The following ZNF518A variants were observed in gnomAD, a reference collection of about 807,000 sequenced individuals.
The protein encoded by ZNF518A is zinc finger protein 518.
ZNF518A carries 47 observed loss-of-function variants against 102.7 expected under a neutral mutation model. The observed-to-expected ratio is 0.46, with a 90% CI of 0.36 to 0.58. The LOEUF is 0.58. ZNF518A is among the 20% of genes least tolerant of loss of function. The probability of loss-of-function intolerance (pLI) is 0.00; values close to 1 mark genes in which losing one functional copy is unlikely to be tolerated. For synonymous variants in ZNF518A, 652 were observed against 594.6 expected (o/e 1.10, Z -1.40); for missense variants, 1,793 against 1,699.8 (o/e 1.05, Z -0.96).
intron 1 of ZNF518A, chr10:96,199,481 C>A (rs80337218): frequency 0.044 from 20,407 of 460,980 alleles, 589 homozygotes; most frequent in East Asian, 0.1. Context: ...CATAGACCTC[C>A]CCTGGAGCTT....
At chr10:96,165,481 AAAAAAAAAC>A (rs1554890119), downstream of ZNF518A, among the ~76,000 whole-genome samples, 1 of 144,302 alleles carries the variant, frequency 6.9e-6, no homozygotes, top group Non-Finnish European at 1.5e-5. Flanking sequence ...AAAAAAAAAA[AAAAAAAAAC>A]AGACACCAAA....
In ZNF518A at chr10:96,159,142, AC is replaced by A; in HGVS notation, c.2822del (p.Pro941HisfsTer2). 6.2e-7 allele frequency: 1 copy of A among 1,612,800 alleles called. No individual in the cohort carries two copies. Among genetic ancestry groups the A allele is most frequent in the Non-Finnish European group, 8.5e-7 (1 of 1,179,512 alleles). ...IVQTSKGFLI[P>X]LNITNKPGLP... ...TTCAGACTTCAAAAGGATTCTTAAT[AC>A]CATTGAACATTACTAACAAGCCTGG... On this transcript the variant is annotated frameshift_variant, in exon 6 of 6. Coordinates refer to ENST00000316045, the MANE Select transcript of ZNF518A (RefSeq NM_001330736.2). LOFTEE classifies it high-confidence loss of function.
At chr10:96,201,296 A>G (rs1324431332) in intron 1 of ZNF518A, among the ~76,000 whole-genome samples, 1 of 152,192 alleles carries the variant, frequency 6.6e-6, no homozygotes, top group African/African-American at 2.4e-5. Flanking sequence ...AATTTTCCTC[A>G]TGTAGTTCCA....
At chr10:96,145,486 TA>T (rs2082129289) in intron 3 of ZNF518A, among the ~76,000 whole-genome samples, 1 of 152,268 alleles carries the variant, frequency 6.6e-6, no homozygotes, top group Non-Finnish European at 1.5e-5. Flanking sequence ...ATAAACCGAC[TA>T]AAAACACTTC....
At chr10:96,146,789 G>A (rs1442814468) in intron 3 of ZNF518A, among the ~76,000 whole-genome samples, 2 of 152,056 alleles carry the variant, frequency 1.3e-5, no homozygotes, top group African/African-American at 4.8e-5. Flanking sequence ...TCTGACTTTT[G>A]GTATTTTGGT....
downstream of ZNF518A, among the ~76,000 whole-genome samples, chr10:96,165,411 A>C (rs1344087403): frequency 6.6e-6 from 1 of 150,988 alleles, no homozygotes; most frequent in Non-Finnish European, 1.5e-5. Flanking sequence ...CCAGCCAGTA[A>C]GACCCGTCTA....
chr10:96,157,574 G>A lies in ZNF518A; in HGVS notation c.1252G>A (p.Ala418Thr), dbSNP rs1554883585. ...CGCTAGTTCAGGTTTCATGAAGACT[G>A]CTGTACTAGGACCTACACTGAAAAA... is the stretch of plus-strand genomic sequence containing the variant. ...PNASSGFMKT[A>T]VLGPTLKNVM... Residue 418 changes from alanine (A) to threonine (T), a missense_variant, in exon 6 of 6, where the codon GCT becomes ACT. Ala to Thr is a moderately conservative substitution (Grantham distance 58, BLOSUM62 0). This residue lies in a region of ZNF518A where 1,741 missense variants were observed against 1,622.6 expected (regional missense o/e 1.07). Transcript: ENST00000316045. 3.1e-6 allele frequency: 5 copies of A among 1,613,756 alleles called. No homozygotes were observed. Among genetic ancestry groups the A allele is most frequent in the South Asian group, 1.1e-5 (1 of 91,066 alleles).
intron 3 of ZNF518A, among the ~76,000 whole-genome samples, chr10:96,143,017 A>G (rs1346196830): frequency 6.6e-6 from 1 of 152,190 alleles, no homozygotes; most frequent in Non-Finnish European, 1.5e-5. Flanking sequence ...CATGTTGGCC[A>G]GGCTGTTCTT....
chr10:96,179,366 T>A (rs2083224980), intron 1 of ZNF518A, among the ~76,000 whole-genome samples: 1 of 152,106 alleles, frequency 6.6e-6, no homozygotes, highest in Non-Finnish European at 1.5e-5. Flanking sequence ...TATGGGCACA[T>A]GAAAAGATAC....
intron 1 of ZNF518A, among the ~76,000 whole-genome samples, chr10:96,186,687 C>T (rs781807712): frequency 2.6e-5 from 4 of 152,142 alleles, no homozygotes; most frequent in Non-Finnish European, 5.9e-5. Context: ...TGAGCCACTG[C>T]GCCTGGCCTA....
Position 96,159,874 on chromosome 10 carries a change from G to A in ZNF518A, c.3552G>A (p.Gln1184=). 2.5e-6 allele frequency: 4 copies of A among 1,613,508 alleles called. No individual in the cohort carries two copies. The highest frequency in any genetic ancestry group is 3.4e-6 in the Non-Finnish European group (4 of 1,179,738). ...VPSNQIIGGE[Q]KEPESRDALP... ...CTAATCAGATTATAGGAGGAGAGCA[G>A]AAAGAGCCAGAATCTAGAGATGCCT... Residue 1184 remains glutamine (Q), a synonymous_variant, in exon 6 of 6, where the codon CAG becomes CAA. Coordinates refer to ENST00000316045, the MANE Select transcript of ZNF518A (RefSeq NM_001330736.2).
chr10:96,192,976 G>A (rs782134879), intron 1 of ZNF518A, among the ~76,000 whole-genome samples: 26 of 152,090 alleles, frequency 1.7e-4, no homozygotes, highest in Non-Finnish European at 2.9e-4. Context: ...AACATCCACA[G>A]TAAAATTTTT....
At chr10:96,169,588 T>A (rs1470088935) in intron 1 of ZNF518A, among the ~76,000 whole-genome samples, 1 of 152,208 alleles carries the variant, frequency 6.6e-6, no homozygotes, top group African/African-American at 2.4e-5. Context: ...TCTTTAAACA[T>A]GGTTTCTTTT....
intron 1 of ZNF518A, among the ~76,000 whole-genome samples, chr10:96,179,771 C>CTTCTTA (rs1554891808): frequency 6.6e-6 from 1 of 151,880 alleles, no homozygotes; most frequent in South Asian, 2.1e-4. Context: ...TCTTCTTCTT[C>CTTCTTA]TTCTTCCTTT....
chr10:96,197,390 G>T (rs1285332824), intron 1 of ZNF518A, among the ~76,000 whole-genome samples: 20 of 152,068 alleles, frequency 1.3e-4, no homozygotes, highest in Admixed American at 9.2e-4. Context: ...CTACAGCCTG[G>T]AACTCCTGAG....
At chr10:96,199,298 G>A (rs1235597529) in intron 1 of ZNF518A, among the ~76,000 whole-genome samples, 1 of 152,244 alleles carries the variant, frequency 6.6e-6, no homozygotes, top group Non-Finnish European at 1.5e-5. Flanking sequence ...TGTCCAAGCT[G>A]TCCCTGGTGT....
chr10:96,139,386 T>C (rs2081793806), intron 3 of ZNF518A, among the ~76,000 whole-genome samples: 1 of 152,024 alleles, frequency 6.6e-6, no homozygotes, highest in Non-Finnish European at 1.5e-5. Flanking sequence ...AAGAGGTGAT[T>C]AGGTCATAAG....
At chr10:96,130,113 C>T (rs181798525), upstream of ZNF518A, 27 of 152,848 alleles carry the variant, frequency 1.8e-4, no homozygotes, top group African/African-American at 6.0e-4. Flanking sequence ...ATGGGTACTA[C>T]GACAGGTATT....
Position 96,160,105 on chromosome 10 carries a change from T to C in ZNF518A, c.3783T>C (p.His1261=), listed in dbSNP as rs782803997. ...AAATTTTTTCAAAAACAAAAACTCA[T>C]GGAAGTAAAGACTCTGAAACTGCCT... ...SKKIFSKTKT[H]GSKDSETAFV... is the part of the protein sequence containing the mutation. The change falls in exon 6 of 6, where the codon CAT becomes CAC. Residue 1261 remains histidine (H), a synonymous_variant. Transcript: ENST00000316045. The C allele has an allele frequency of 2.9e-5, 46 of 1,610,608 alleles. No homozygotes were observed. The highest frequency in any genetic ancestry group is 3.5e-5 in the Non-Finnish European group (41 of 1,179,044).
Sources: gnomAD v4.1 joint callset for allele counts (sites outside exome capture counted in the v4.1 genomes callset) on GRCh38, gnomAD v4.1.1 for gene constraint, gnomAD v4.1.1 regional missense constraint, MANE v1.5 for transcripts, NCBI Gene and HGNC (gene_info 2026-07-23, HGNC 2026-07-21) for gene names.